Variants in SPON1 observed in about 807,000 individuals in gnomAD.
The protein encoded by SPON1 is spondin 1, also known as spondin-1.
Under a neutral mutation model 111.7 loss-of-function variants are expected in SPON1, and 52 were observed. The observed-to-expected ratio is 0.47, with a 90% CI of 0.37 to 0.59. The LOEUF is 0.59. SPON1 is among the 20% of genes least tolerant of loss of function. SPON1 has a pLI of 0.00. For synonymous variants in SPON1, 410 were observed against 395.8 expected (o/e 1.04, Z -0.43); for missense variants, 957 against 1,068.5 (o/e 0.90, Z 1.46).
In SPON1 at chr11:14,259,708, G is replaced by T; in HGVS notation, c.1831+7G>T. The T allele has an allele frequency of 1.3e-6, 2 of 1,567,572 alleles. No homozygotes were observed. The highest frequency in any genetic ancestry group is 1.7e-6 in the Non-Finnish European group (2 of 1,156,254). Reference sequence around the variant, plus strand: ...TGCATGATGCCAGAGTGCCGTGAGTGAGAGCGGGGGTGGACTTGGAGGAGG... The same window carrying T: ...TGCATGATGCCAGAGTGCCGTGAGTTAGAGCGGGGGTGGACTTGGAGGAGG... On this transcript the variant is annotated splice_region_variant and intron_variant, in intron 13 of 15. Coordinates refer to ENST00000576479, the MANE Select transcript of SPON1 (RefSeq NM_006108.4). The surrounding 1 kb of genome is among the most constrained non-coding windows in gnomAD (Gnocchi z 5.0).
chr11:14,098,073 G>T (rs1334082163), intron 5 of SPON1, among the ~76,000 whole-genome samples: 1 of 152,192 alleles, frequency 6.6e-6, no homozygotes, highest in Non-Finnish European at 1.5e-5. Context: ...TCAGCTCACT[G>T]CAAGCTCCGC....
At chr11:14,158,838 GTC>G (rs1847878479) in intron 6 of SPON1, among the ~76,000 whole-genome samples, 1 of 152,086 alleles carries the variant, frequency 6.6e-6, no homozygotes, top group Admixed American at 6.6e-5. Flanking sequence ...CTTGGGTTCT[GTC>G]TCTCCTACAT....
intron 6 of SPON1, among the ~76,000 whole-genome samples, chr11:14,176,875 G>A (rs929371293): frequency 2.6e-5 from 4 of 152,116 alleles, no homozygotes; most frequent in South Asian, 2.1e-4. Flanking sequence ...GTAACCACCC[G>A]AGGGGTTCGC....
chr11:14,003,191 A>T (rs1470437338), intron 2 of SPON1, among the ~76,000 whole-genome samples: 2 of 152,198 alleles, frequency 1.3e-5, no homozygotes, highest in Non-Finnish European at 2.9e-5. Flanking sequence ...TGCCCCAAAA[A>T]GTGGCAGCAG....
At chr11:14,180,093 G>A (rs1231102955) in intron 6 of SPON1, among the ~76,000 whole-genome samples, 1 of 152,030 alleles carries the variant, frequency 6.6e-6, no homozygotes, top group Non-Finnish European at 1.5e-5. Context: ...GATCTTCCCT[G>A]CCCCTCCCCA....
intron 3 of SPON1, among the ~76,000 whole-genome samples, chr11:14,060,572 C>T (rs1005007896): frequency 1.3e-5 from 2 of 152,314 alleles, no homozygotes; most frequent in Middle Eastern, 3.4e-3. Context: ...TTGGCCCTGG[C>T]TGCATATTGG....
chr11:14,209,356 C>T (rs1279526872), intron 6 of SPON1, among the ~76,000 whole-genome samples: 2 of 151,900 alleles, frequency 1.3e-5, no homozygotes, highest in Non-Finnish European at 2.9e-5. Flanking sequence ...CGGTTTGCTG[C>T]ACCCATCAAC....
intron 5 of SPON1, among the ~76,000 whole-genome samples, chr11:14,133,530 A>G (rs1031317591): frequency 6.6e-6 from 1 of 152,218 alleles, no homozygotes. Flanking sequence ...CAAAGAGCAT[A>G]TGGTAATTCT....
intron 3 of SPON1, among the ~76,000 whole-genome samples, chr11:14,047,477 A>T (rs1199505956): frequency 6.6e-6 from 1 of 152,198 alleles, no homozygotes; most frequent in African/African-American, 2.4e-5. Context: ...ATAAACAATG[A>T]TCCTGACTTT....
chr11:14,080,068 A>G (rs1848949675), intron 5 of SPON1, 47 bp downstream of exon 5: 1 of 1,612,392 alleles, frequency 6.2e-7, no homozygotes, highest in Non-Finnish European at 8.5e-7. Context: ...CACATTGTCA[A>G]AGTTCTGTCT....
chr11:14,001,442 C>T (rs1395851908), intron 2 of SPON1, among the ~76,000 whole-genome samples: 6 of 152,188 alleles, frequency 3.9e-5, no homozygotes, highest in African/African-American at 1.2e-4. Context: ...CTCAAGGAAA[C>T]TACTTTACCA....
intron 3 of SPON1, among the ~76,000 whole-genome samples, chr11:14,064,458 A>T (rs577859280): frequency 1.3e-5 from 2 of 152,192 alleles, no homozygotes; most frequent in Non-Finnish European, 2.9e-5. Context: ...TGAGGAGGAG[A>T]CATGTGACAC....
chr11:14,241,626 G>A (rs1429531810), intron 6 of SPON1, among the ~76,000 whole-genome samples: 9 of 152,094 alleles, frequency 5.9e-5, no homozygotes, highest in Non-Finnish European at 1.2e-4. Flanking sequence ...GTCAGAGGAA[G>A]GGCTCAGCCA....
chr11:14,036,902 G>T (rs1848598416), intron 2 of SPON1, among the ~76,000 whole-genome samples: 1 of 148,718 alleles, frequency 6.7e-6, no homozygotes, highest in Admixed American at 6.8e-5. Context: ...GGATCCATTG[G>T]ATTAAGCATT....
intron 2 of SPON1, among the ~76,000 whole-genome samples, chr11:14,036,270 C>T (rs1466448215): frequency 6.6e-6 from 1 of 151,978 alleles, no homozygotes; most frequent in Non-Finnish European, 1.5e-5. Context: ...TGGAGAAAGA[C>T]GAGAGAGTAT....
rs782359987 is a variant in SPON1, at chr11:14,257,847, C to T, written c.1441C>T (p.Pro481Ser). The T allele has an allele frequency of 6.3e-7, 1 of 1,589,576 alleles. No individual in the cohort carries two copies. The highest frequency in any genetic ancestry group is 1.8e-5 in the Admixed American group (1 of 56,194). The change falls in exon 11 of 16, where the codon CCT (proline) becomes TCT (serine). Residue 481 changes from proline to serine, a missense_variant. Transcript: ENST00000576479. ...KAQLDLSVPC[P>S]DTQDFQPCMG... ...ACAGCTGGACCTCAGCGTCCCCTGC[C>T]CTGACACCCAGGACTTCCAGCCCTG...
Position 14,228,436 on chromosome 11 carries a change from G to T in SPON1, c.826-14896G>T, listed in dbSNP as rs539740225. 2.5e-4 allele frequency among the ~76,000 whole-genome samples: 38 copies of T among 152,316 alleles called. No individual in the cohort carries two copies. The highest frequency in any genetic ancestry group is 8.2e-4 in the African/African-American group (34 of 41,574). On this transcript the variant is annotated intron_variant, in intron 6 of 15. Coordinates refer to ENST00000576479, the MANE Select transcript of SPON1 (RefSeq NM_006108.4). The surrounding 1 kb of genome is among the most constrained non-coding windows in gnomAD (Gnocchi z 4.2). ...TTCTTGGGAACCACAGCTGTGGGAG[G>T]CAGGGGAAGGAAGCAGGATGTGCAG...
At chr11:14,160,941 A>T (rs1252210017) in intron 6 of SPON1, among the ~76,000 whole-genome samples, 994 of 43,802 alleles carry the variant, frequency 0.023, 227 homozygotes, top group Non-Finnish European at 0.033. Context: ...ATTTATATAT[A>T]TATTTATATA....
chr11:14,184,786 G>A (rs1158200833), intron 6 of SPON1, among the ~76,000 whole-genome samples: 1 of 152,162 alleles, frequency 6.6e-6, no homozygotes, highest in African/African-American at 2.4e-5. Flanking sequence ...AGCCAGCCAG[G>A]CAAGATAAGA....
Sources: gnomAD v4.1 joint callset for allele counts (sites outside exome capture counted in the v4.1 genomes callset) on GRCh38, gnomAD v4.1.1 for gene constraint, Gnocchi (gnomAD v3.1) non-coding constraint, MANE v1.5 for transcripts, NCBI Gene and HGNC (gene_info 2026-07-23, HGNC 2026-07-21) for gene names.